Variants in ZNF773 observed in about 807,000 individuals in gnomAD.
The protein encoded by ZNF773 is zinc finger protein 419B.
ZNF773 carries 11 observed loss-of-function variants against 12.8 expected under a neutral mutation model. The observed-to-expected ratio is 0.86, with a 90% CI of 0.54 to 1.42. ZNF773 has a LOEUF of 1.42. Ranked by LOEUF, ZNF773 falls within the 40% of genes most tolerant of loss-of-function variation. ZNF773 has a pLI of 0.00. For synonymous variants in ZNF773, 175 were observed against 178.4 expected, an observed-to-expected ratio of 0.98 and a Z score of 0.15; for missense variants, 518 against 527.2, an observed-to-expected ratio of 0.98 and a Z score of 0.17.
chr19:57,517,242 A>T (rs1366405736), downstream of ZNF773: 2 of 152,210 alleles, frequency 1.3e-5, no homozygotes, highest in Admixed American at 6.5e-5. Context: ...CAACTGTATC[A>T]TTGCCTTAAT....
downstream of ZNF773, among the ~76,000 whole-genome samples, chr19:57,511,100 C>T (rs1029934181): frequency 6.7e-6 from 1 of 150,360 alleles, no homozygotes; most frequent in African/African-American, 2.4e-5. Flanking sequence ...CCCAGGCTAG[C>T]GTGCAGTGGC....
Position 57,507,233 on chromosome 19 carries a change from G to T in ZNF773, c.1138G>T (p.Val380Phe), listed in dbSNP as rs369211415. 1.2e-6 allele frequency: 2 copies of T among 1,610,832 alleles called. No homozygotes were observed. Among genetic ancestry groups the T allele is most frequent in the African/African-American group, 2.7e-5 (2 of 74,736 alleles). ...CTCAAGCCTCATGCAACATCGAAAAGTTCACACTGGAGAAAAACCTTTTAA... is the reference window on the plus strand; with the variant it reads ...CTCAAGCCTCATGCAACATCGAAAATTTCACACTGGAGAAAAACCTTTTAA... ...QSSSLMQHRK[V>F]HTGEKPFKCN... Residue 380 changes from valine (V) to phenylalanine (F), a missense_variant, in exon 4 of 4, where the codon GTT becomes TTT. Transcript: ENST00000282292.
chr19:57,504,918 A>G (rs2089712050), intron 2 of ZNF773, 132 bp downstream of exon 2: 9 of 1,294,724 alleles, frequency 7.0e-6, no homozygotes, highest in Middle Eastern at 1.8e-4. Flanking sequence ...TGAAGTAGCT[A>G]TTGTAATAGG....
At position 57,507,790 on chromosome 19, in the gene ZNF773, C is replaced by A; in HGVS notation, c.*366C>A. 1.2e-6 allele frequency: 1 copy of A among 822,858 alleles called. No homozygotes were observed. The highest frequency in any genetic ancestry group is 1.5e-6 in the Non-Finnish European group (1 of 664,906). The allele number at this position is 822,858 out of a possible 1,614,324, so 51.0% of individuals were successfully genotyped here. A position where few individuals can be genotyped will look rare whatever the true frequency, so the allele number is the denominator to read the frequency against. On this transcript the variant is annotated 3_prime_UTR_variant, in exon 4 of 4. Transcript: ENST00000282292. ...GACATCGAAACCATCCTGGTTAACA[C>A]AATGAAACCACATCTCTACTAAAAA...
At chr19:57,506,217 G>T in intron 3 of ZNF773, 141 bp from the exon 4 acceptor site, 1 of 1,360,310 alleles carries the variant, frequency 7.4e-7, no homozygotes. Context: ...TGCACAGCAG[G>T]CCCTTCCCCA....
intron 1 of ZNF773, among the ~76,000 whole-genome samples, chr19:57,502,839 T>A (rs61688190): frequency 0.21 from 31,456 of 151,972 alleles, 3,373 homozygotes; most frequent in African/African-American, 0.25. Context: ...TACAGGCACC[T>A]GCCACCACGC....
At chr19:57,508,837 C>A (rs1329431014), downstream of ZNF773, among the ~76,000 whole-genome samples, 1 of 151,434 alleles carries the variant, frequency 6.6e-6, no homozygotes, top group African/African-American at 2.5e-5. Flanking sequence ...CTTCGTTAGT[C>A]AAATGTCAGT....
At position 57,508,152 on chromosome 19, in the gene ZNF773, A is replaced by AG. The variant is rs1231580980; in HGVS notation, c.*728_*729insG. ...TGAGACTTCGTCTCAAAAAAAAAAA[A>AG]AAAAAACAAAAAAAACCCAGAAACT... On this transcript the variant is annotated 3_prime_UTR_variant, in exon 4 of 4. Transcript: ENST00000282292. 1 of 467,540 alleles carries AG rather than the reference A, an allele frequency of 2.1e-6. No individual in the cohort carries two copies. The highest frequency in any genetic ancestry group is 3.9e-5 in the African/African-American group (1 of 25,634). 29.0% of individuals were successfully genotyped at this position (467,540 alleles called of 1,614,324 possible).
At chr19:57,503,068 A>G (rs972582779) in intron 1 of ZNF773, among the ~76,000 whole-genome samples, 1 of 152,110 alleles carries the variant, frequency 6.6e-6, no homozygotes, top group Admixed American at 6.5e-5. Flanking sequence ...TGGTAAGAGT[A>G]ATTTTCAGTG....
In ZNF773 at chr19:57,507,210, C is replaced by T; in HGVS notation, c.1115C>T (p.Ser372Leu). The T allele has an allele frequency of 6.2e-7, 1 of 1,614,180 alleles. No individual in the cohort carries two copies. Among genetic ancestry groups the T allele is most frequent in the Non-Finnish European group, 8.5e-7 (1 of 1,180,016 alleles). The change falls in exon 4 of 4, where the codon TCA becomes TTA. Residue 372 changes from serine (S) to leucine (L), a missense_variant. Ser to Leu is a moderately radical substitution (Grantham distance 145, BLOSUM62 -2). Transcript: ENST00000282292. The stretch of plus-strand genomic sequence containing the variant: ...TGTGGGAAATTTTTTAGCCAAAGCT[C>T]AAGCCTCATGCAACATCGAAAAGTT... ...SECGKFFSQS[S>L]SLMQHRKVHT...
At chr19:57,509,822 G>A (rs984790373), downstream of ZNF773, among the ~76,000 whole-genome samples, 1 of 152,064 alleles carries the variant, frequency 6.6e-6, no homozygotes, top group African/African-American at 2.4e-5. Context: ...TTTCTTGATG[G>A]CATCAGCTGA....
downstream of ZNF773, chr19:57,513,137 G>C: frequency 7.1e-7 from 1 of 1,409,864 alleles, no homozygotes; most frequent in Non-Finnish European, 9.3e-7. Flanking sequence ...CAAGTCTGCT[G>C]GCAGTGGATA....
downstream of ZNF773, chr19:57,514,535 T>A (rs2123288769): frequency 6.6e-6 from 1 of 152,322 alleles, no homozygotes; most frequent in South Asian, 2.1e-4. Flanking sequence ...AGCCTTTGCT[T>A]CTGTTTATTC....
downstream of ZNF773, chr19:57,517,378 CCTT>C (rs554757661): frequency 5.1e-4 from 78 of 152,188 alleles, no homozygotes; most frequent in African/African-American, 1.6e-3. Flanking sequence ...TTGTAAAACT[CCTT>C]CTTATTCAGC....
intron 3 of ZNF773, among the ~76,000 whole-genome samples, chr19:57,505,936 C>G (rs1380374204): frequency 6.6e-6 from 1 of 152,160 alleles, no homozygotes; most frequent in Admixed American, 6.5e-5. Context: ...GTCTCGATCT[C>G]CTGACCTCGT....
rs546141533 is a variant in ZNF773, at chr19:57,501,033, G to A, written c.33+920G>A. Among the ~76,000 whole-genome samples, 5 of 152,254 alleles carry A rather than the reference G, an allele frequency of 3.3e-5. No homozygotes were observed. The East Asian group carries it at 9.7e-4, about 29-fold the overall frequency. ...GGACTGGATGGAGACCGCAGTGTTG[G>A]GTAGTATATAGGTTTGCCACTCCAG... On this transcript the variant is annotated intron_variant, in intron 1 of 3. Coordinates refer to ENST00000282292, the MANE Select transcript of ZNF773 (RefSeq NM_198542.3).
Position 57,508,158 on chromosome 19 carries a change from A to AAC in ZNF773, c.*734_*735insAC. On this transcript the variant is annotated 3_prime_UTR_variant, in exon 4 of 4. Coordinates refer to ENST00000282292, the MANE Select transcript of ZNF773 (RefSeq NM_198542.3). The stretch of plus-strand genomic sequence containing the variant: ...TTCGTCTCAAAAAAAAAAAAAAAAA[A>AAC]CAAAAAAAACCCAGAAACTCTGAGG... 2 of 357,526 alleles carry AAC rather than the reference A, an allele frequency of 5.6e-6. No homozygotes were observed. Among genetic ancestry groups the AAC allele is most frequent in the Non-Finnish European group, 6.3e-6 (2 of 317,360 alleles). 22.1% of individuals were successfully genotyped at this position (357,526 alleles called of 1,614,324 possible).
chr19:57,500,475 C>G (rs62126219), intron 1 of ZNF773, among the ~76,000 whole-genome samples: 2,676 of 144,352 alleles, frequency 0.019, 28 homozygotes, highest in East Asian at 0.067. Flanking sequence ...AAAGGCCCTT[C>G]AAGTCAAAAC....
At position 57,506,346 on chromosome 19, in the gene ZNF773, C is replaced by A. The variant is rs769990202; in HGVS notation, c.263-12C>A. 8.8e-6 allele frequency: 14 copies of A among 1,596,110 alleles called. No individual in the cohort carries two copies. The Admixed American group carries it at 1.4e-4, about 16-fold the overall frequency. ...GACTACATTTACTTCATCAACATTT[C>A]TCTTCTTTCAGGTAGTTGGCAAGGA... On this transcript the variant is annotated splice_polypyrimidine_tract_variant and intron_variant, in intron 3 of 3. Coordinates refer to ENST00000282292, the MANE Select transcript of ZNF773 (RefSeq NM_198542.3).
Sources: allele counts gnomAD v4.1 joint callset (sites outside exome capture counted in the v4.1 genomes callset), GRCh38; gene constraint gnomAD v4.1.1; transcripts MANE v1.5; gene names NCBI Gene and HGNC (gene_info 2026-07-23, HGNC 2026-07-21).